Variants in ANP32A observed in about 807,000 individuals in gnomAD.
The protein encoded by ANP32A is acidic nuclear phosphoprotein 32 family member A, also known as acidic leucine-rich nuclear phosphoprotein 32 family member A.
In ANP32A, 1 loss-of-function variant was observed where a neutral mutation model predicts 33.9. That is an observed-to-expected ratio of 0.03 (90% CI 0.01 to 0.14). The LOEUF (loss-of-function observed/expected upper bound fraction) is 0.14, where lower values mean the gene tolerates loss of function less well. ANP32A is among the 10% of genes least tolerant of loss of function. The pLI is 1.00. For missense variants in ANP32A, 155 were observed against 306.0 expected (o/e 0.51, Z 3.68); for synonymous variants, 115 against 120.5 (o/e 0.95, Z 0.30).
intron 1 of ANP32A, among the ~76,000 whole-genome samples, chr15:68,795,261 T>C (rs1319527768): frequency 6.6e-6 from 1 of 152,186 alleles, no homozygotes; most frequent in Admixed American, 6.5e-5. Flanking sequence ...AGTCCCCTAT[T>C]ACTTTAAAAC....
At chr15:68,810,777 C>T (rs1894300527) in intron 1 of ANP32A, among the ~76,000 whole-genome samples, 1 of 152,036 alleles carries the variant, frequency 6.6e-6, no homozygotes, top group African/African-American at 2.4e-5. Flanking sequence ...TGCTGAATCC[C>T]AGCCGGGCGC....
chr15:68,799,504 A>G (rs985948911), intron 1 of ANP32A, among the ~76,000 whole-genome samples: 1 of 152,242 alleles, frequency 6.6e-6, no homozygotes, highest in Non-Finnish European at 1.5e-5. Context: ...CAAACCCCAA[A>G]CCAAAAAACT....
chr15:68,815,437 G>T (rs781516073), intron 1 of ANP32A, among the ~76,000 whole-genome samples: 1 of 151,896 alleles, frequency 6.6e-6, no homozygotes, highest in African/African-American at 2.4e-5. Flanking sequence ...ATCTGTTAAC[G>T]AGACAAGTGG....
At chr15:68,783,348 T>C (rs1424186480) in intron 4 of ANP32A, among the ~76,000 whole-genome samples, 1 of 149,432 alleles carries the variant, frequency 6.7e-6, no homozygotes, top group African/African-American at 2.5e-5. Context: ...CAGCAACAGG[T>C]TCCAGGGCCC....
intron 5 of ANP32A, 85 bp downstream of exon 5, chr15:68,782,871 G>T: frequency 6.6e-7 from 1 of 1,525,172 alleles, no homozygotes. Context: ...CAGGGCTCCG[G>T]GGCTGCCAAG....
Position 68,794,005 on chromosome 15 carries a change from G to A in ANP32A, c.55-6086C>T, listed in dbSNP as rs183018994. Among the ~76,000 whole-genome samples, 33 of 152,312 alleles carry A rather than the reference G, an allele frequency of 2.2e-4. No individual in the cohort carries two copies. The East Asian group carries it at 5.6e-3, about 26-fold the overall frequency. On this transcript the variant is annotated intron_variant, in intron 1 of 6. Transcript: ENST00000465139. ...AAAGGTGGACAGAAGGCAGGCTCTC[G>A]AGTCCGAGAGAACTGGCTCAAGTTC...
At chr15:68,797,181 G>A (rs1894074134) in intron 1 of ANP32A, among the ~76,000 whole-genome samples, 1 of 152,002 alleles carries the variant, frequency 6.6e-6, no homozygotes, top group Non-Finnish European at 1.5e-5. Context: ...CAGAGGCCCC[G>A]GGTGCTGGGT....
intron 4 of ANP32A, 93 bp from the exon 5 acceptor site, chr15:68,783,146 G>A: frequency 6.6e-7 from 1 of 1,523,222 alleles, no homozygotes; most frequent in Non-Finnish European, 8.8e-7. Flanking sequence ...TCTTCAGTGT[G>A]GGGCTCATGA....
intron 1 of ANP32A, among the ~76,000 whole-genome samples, chr15:68,817,044 C>A (rs1030965314): frequency 2.0e-5 from 3 of 152,214 alleles, no homozygotes; most frequent in Non-Finnish European, 4.4e-5. Flanking sequence ...CTGCTGGACA[C>A]TGCCATGAAA....
intron 1 of ANP32A, among the ~76,000 whole-genome samples, chr15:68,807,429 G>GGA (rs1555424026): frequency 7.6e-6 from 1 of 131,506 alleles, no homozygotes; most frequent in African/African-American, 3.3e-5. Flanking sequence ...ACAGAAAACG[G>GGA]GGGGGGGGGA....
intron 1 of ANP32A, among the ~76,000 whole-genome samples, chr15:68,793,778 A>T (rs1388738665): frequency 6.6e-6 from 1 of 152,232 alleles, no homozygotes; most frequent in East Asian, 1.9e-4. Context: ...CCCCTTGCTT[A>T]AAAATTAAGA....
chr15:68,799,007 G>C (rs992255190), intron 1 of ANP32A, among the ~76,000 whole-genome samples: 1 of 152,178 alleles, frequency 6.6e-6, no homozygotes, highest in Admixed American at 6.5e-5. Context: ...TTCTATCCAA[G>C]GCCACAAAAC....
In ANP32A at chr15:68,780,606, G is replaced by T; in HGVS notation, c.625-133C>A. ...GCCCCCACCAAGACTTGACATCTCG[G>T]GAGGAATGTAAAGCAGAGGTTCTTA... On this transcript the variant is annotated intron_variant, in intron 5 of 6. Coordinates refer to ENST00000465139, the MANE Select transcript of ANP32A (RefSeq NM_006305.4). The surrounding 1 kb of genome is among the most constrained non-coding windows in gnomAD (Gnocchi z 4.3). 1 of 1,433,542 alleles carries T rather than the reference G, an allele frequency of 7.0e-7. No homozygotes were observed. The highest frequency in any genetic ancestry group is 9.2e-7 in the Non-Finnish European group (1 of 1,083,262). The allele number at this position is 1,433,542 out of a possible 1,614,324, so 88.8% of individuals were successfully genotyped here.
In ANP32A at chr15:68,808,170, C is replaced by T. The variant is rs150050156; in HGVS notation, c.54+12528G>A. 1.7e-3 allele frequency among the ~76,000 whole-genome samples: 256 copies of T among 152,310 alleles called. 1 individual carries two copies. The highest frequency in any genetic ancestry group is 3.4e-3 in the Middle Eastern group (1 of 294). On this transcript the variant is annotated intron_variant, in intron 1 of 6. Coordinates refer to ENST00000465139, the MANE Select transcript of ANP32A (RefSeq NM_006305.4). ...TCTTCCTACCTGCTGTGAAGCTCTG[C>T]ACCCTGCTCCATGGGGTGGTTCCCA...
Position 68,783,064 on chromosome 15 carries a change from G to A in ANP32A, c.527-11C>T, listed in dbSNP as rs1054628175. On this transcript the variant is annotated splice_polypyrimidine_tract_variant and intron_variant, in intron 4 of 6. Transcript: ENST00000465139. ...CATCATACTCCTCCTCTGTGCAATC[G>A]AAATGGGGAACGGAAACAGAACTAG... 3.9e-6 allele frequency: 6 copies of A among 1,551,496 alleles called. No homozygotes were observed. Among genetic ancestry groups the A allele is most frequent in the African/African-American group, 1.4e-5 (1 of 72,988 alleles).
chr15:68,819,007 C>A (rs1380351436), intron 1 of ANP32A, among the ~76,000 whole-genome samples: 1 of 152,248 alleles, frequency 6.6e-6, no homozygotes, highest in East Asian at 1.9e-4. Flanking sequence ...AAGGCACTCG[C>A]ACGTCTCCAG....
chr15:68,800,085 C>T (rs546065349), intron 1 of ANP32A, among the ~76,000 whole-genome samples: 20 of 152,126 alleles, frequency 1.3e-4, no homozygotes, highest in Middle Eastern at 6.8e-3. Context: ...GTTAAGTGAC[C>T]GTGGGCAAAG....
At chr15:68,819,160 G>A (rs1894435449) in intron 1 of ANP32A, among the ~76,000 whole-genome samples, 1 of 152,170 alleles carries the variant, frequency 6.6e-6, no homozygotes, top group Admixed American at 6.5e-5. Flanking sequence ...GGCTAGAGGG[G>A]CGACAGGCCA....
intron 5 of ANP32A, among the ~76,000 whole-genome samples, chr15:68,781,780 T>G (rs1373954988): frequency 1.3e-5 from 2 of 152,114 alleles, no homozygotes; most frequent in African/African-American, 4.8e-5. Context: ...ATTTTTATAT[T>G]TTTAGTAGAG....
Sources: gnomAD v4.1 joint callset for allele counts (sites outside exome capture counted in the v4.1 genomes callset) on GRCh38, gnomAD v4.1.1 for gene constraint, Gnocchi (gnomAD v3.1) non-coding constraint, MANE v1.5 for transcripts, NCBI Gene and HGNC (gene_info 2026-07-23, HGNC 2026-07-21) for gene names.